CEP72: variants seen among roughly 807,000 people sequenced by gnomAD.
The protein encoded by CEP72 is centrosomal protein 72, also known as centrosomal protein of 72 kDa.
In CEP72, 78 loss-of-function variants were observed where a neutral mutation model predicts 65.7. That is an observed-to-expected ratio of 1.19 (90% CI 0.99 to 1.43). The LOEUF is 1.43. CEP72 is among the 40% of genes most tolerant of loss of function. The pLI is 0.00. For synonymous variants in CEP72, 358 were observed against 351.7 expected (o/e 1.02, Z -0.20); for missense variants, 914 against 832.9 (o/e 1.10, Z -1.20).
rs1344458044 is a variant in CEP72, at chr5:624,949, C to G, written c.512+370C>G. 1.3e-5 allele frequency among the ~76,000 whole-genome samples: 2 copies of G among 152,236 alleles called. No homozygotes were observed. Among genetic ancestry groups the G allele is most frequent in the East Asian group, 3.8e-4 (2 of 5,202 alleles). On this transcript the variant is annotated intron_variant, in intron 4 of 11. Transcript: ENST00000264935. The surrounding 1 kb of genome is among the most constrained non-coding windows in gnomAD (Gnocchi z 4.7). ...CTGCCCATCCAGCCAAATCCCACTT[C>G]TGGCCGTGAGCACATTCAGCAGGAC...
Position 624,129 on chromosome 5 carries a change from C to T in CEP72, c.404-342C>T, listed in dbSNP as rs1420094983. 6.6e-6 allele frequency among the ~76,000 whole-genome samples: 1 copy of T among 152,214 alleles called. No homozygotes were observed. The highest frequency in any genetic ancestry group is 1.5e-5 in the Non-Finnish European group (1 of 68,044). Reference sequence around the variant, plus strand: ...GCCTCTCGGGCCGGGCAGGCTCCCTCCGTGGAGGCTTCTCTGGGTTACCTG... The same window carrying T: ...GCCTCTCGGGCCGGGCAGGCTCCCTTCGTGGAGGCTTCTCTGGGTTACCTG... On this transcript the variant is annotated intron_variant, in intron 3 of 11. Transcript: ENST00000264935. The surrounding 1 kb of genome is among the most constrained non-coding windows in gnomAD (Gnocchi z 4.7).
chr5:613,992 C>T (rs147907014), intron 1 of CEP72, among the ~76,000 whole-genome samples: 57 of 152,322 alleles, frequency 3.7e-4, no homozygotes, highest in African/African-American at 1.3e-3. Flanking sequence ...CAGCTGACCT[C>T]GGGACATGCC....
Position 645,779 on chromosome 5 carries a change from T to C in CEP72, c.1666+1354T>C, listed in dbSNP as rs1044585429. On this transcript the variant is annotated intron_variant, in intron 10 of 11. Coordinates refer to ENST00000264935, the MANE Select transcript of CEP72 (RefSeq NM_018140.4). The surrounding 1 kb of genome is among the most constrained non-coding windows in gnomAD (Gnocchi z 4.0). Reference sequence around the variant, plus strand: ...TGTCTTTGTTACTCGGTCTTAAATGTATGCATAGCTCCCATTTATTTTAGT... The same window carrying C: ...TGTCTTTGTTACTCGGTCTTAAATGCATGCATAGCTCCCATTTATTTTAGT... Among the ~76,000 whole-genome samples, 6 of 152,288 alleles carry C rather than the reference T, an allele frequency of 3.9e-5. No individual in the cohort carries two copies. The highest frequency in any genetic ancestry group is 8.8e-5 in the Non-Finnish European group (6 of 68,050).
At position 653,090 on chromosome 5, in the gene CEP72, C is replaced by A; in HGVS notation, c.1881C>A (p.Leu627=). 1 of 1,613,674 alleles carries A rather than the reference C, an allele frequency of 6.2e-7. No individual in the cohort carries two copies. Among genetic ancestry groups the A allele is most frequent in the Non-Finnish European group, 8.5e-7 (1 of 1,180,010 alleles). Residue 627 remains leucine, a synonymous_variant, in exon 12 of 12, where the codon CTC becomes CTA. Coordinates refer to ENST00000264935, the MANE Select transcript of CEP72 (RefSeq NM_018140.4). ...VEQMHWSYQE[L]KKTMALFPHS... ...AGATGCACTGGAGCTACCAGGAGCT[C>A]AAGAAGACCATGGCCCTGTTTCCAC... is the stretch of plus-strand genomic sequence containing the variant.
In CEP72 at chr5:612,447, C is replaced by T. The variant is rs764846084; in HGVS notation, c.82+4C>T. On this transcript the variant is annotated splice_donor_region_variant and intron_variant, in intron 1 of 11. Transcript: ENST00000264935. ...TTAGGGCCTCACCGCGACCTGGGTG[C>T]GCCGGAGGGCGGGCGGGGGTGCAAG... is the stretch of plus-strand genomic sequence containing the variant. 5.6e-6 allele frequency: 8 copies of T among 1,435,130 alleles called. No homozygotes were observed. In the South Asian group the frequency reaches 6.8e-5, roughly 12 times the overall value. The allele number at this position is 1,435,130 out of a possible 1,614,324, so 88.9% of individuals were successfully genotyped here.
At chr5:640,762 G>T (rs934766867) in intron 9 of CEP72, 158 bp downstream of exon 9, 1 of 985,474 alleles carries the variant, frequency 1.0e-6, no homozygotes, top group African/African-American at 1.7e-5. Context: ...GCCACCCCCG[G>T]AACGCGGCCT....
chr5:670,632 C>T (rs994399105), downstream of CEP72, among the ~76,000 whole-genome samples: 3 of 152,102 alleles, frequency 2.0e-5, no homozygotes, highest in Non-Finnish European at 4.4e-5. Flanking sequence ...TGTCTGGCAT[C>T]GCCATCCTGC....
the CEP72 span, among the ~76,000 whole-genome samples, chr5:674,074 C>T: frequency 1.3e-4 from 20 of 152,380 alleles, no homozygotes; most frequent in African/African-American, 2.2e-4. Flanking sequence ...CACATGGGGC[C>T]GGCCCTGCAG....
chr5:637,674 G>A lies in CEP72; in HGVS notation c.1062G>A (p.Pro354=), dbSNP rs751266368. ...CGGACCAGGAGGGTTTGGGCTGCCCGGAGAGAACTCATGGGTCCTCCGTGC... is the reference window on the plus strand; with the variant it reads ...CGGACCAGGAGGGTTTGGGCTGCCCAGAGAGAACTCATGGGTCCTCCGTGC... ...TFSDQEGLGC[P]ERTHGSSVPK... is the part of the protein sequence containing the mutation. Residue 354 remains proline, a synonymous_variant, in exon 7 of 12, where the codon CCG becomes CCA. Transcript: ENST00000264935. 7.4e-6 allele frequency: 12 copies of A among 1,613,802 alleles called. No homozygotes were observed. Among genetic ancestry groups the A allele is most frequent in the East Asian group, 4.5e-5 (2 of 44,886 alleles).
chr5:624,277 A>G lies in CEP72; in HGVS notation c.404-194A>G, dbSNP rs1736590845. 6.6e-6 allele frequency among the ~76,000 whole-genome samples: 1 copy of G among 152,208 alleles called. No homozygotes were observed. The highest frequency in any genetic ancestry group is 2.4e-5 in the African/African-American group (1 of 41,470). ...TGCGCAGCAGTGAGCTCTGAGGGAC[A>G]GGCGGCCTCAGCACCACGCTGGGCA... On this transcript the variant is annotated intron_variant, in intron 3 of 11. Transcript: ENST00000264935. The surrounding 1 kb of genome is among the most constrained non-coding windows in gnomAD (Gnocchi z 4.7).
At chr5:622,613 G>T (rs1402177091) in intron 3 of CEP72, among the ~76,000 whole-genome samples, 2 of 152,260 alleles carry the variant, frequency 1.3e-5, no homozygotes, top group Non-Finnish European at 2.9e-5. Flanking sequence ...TGTGGATAGA[G>T]CTCTGTGCTG....
At chr5:649,922 TGTGGACTGTGAGGCGTGACTGTGAGGC>T (rs1738846551) in intron 11 of CEP72, among the ~76,000 whole-genome samples, 5 of 9,080 alleles carry the variant, frequency 5.5e-4, no homozygotes, top group Non-Finnish European at 4.9e-4. Flanking sequence ...GACTGTGAGG[TGTGGACTGTGAGGCGTGACTGTGAGGC>T]GTGACTGTGA....
intron 4 of CEP72, chr5:666,117 C>T (rs769969503): frequency 3.1e-6 from 5 of 1,608,928 alleles, no homozygotes; most frequent in Non-Finnish European, 4.2e-6. Flanking sequence ...TCCGGCAAGA[C>T]TTCCCTCTAC....
In CEP72 at chr5:646,341, C is replaced by T. The variant is rs371436027; in HGVS notation, c.1667-1464C>T. 2.0e-5 allele frequency among the ~76,000 whole-genome samples: 3 copies of T among 152,240 alleles called. No homozygotes were observed. In the East Asian group the frequency reaches 5.8e-4, roughly 29 times the overall value. On this transcript the variant is annotated intron_variant, in intron 10 of 11. Transcript: ENST00000264935. Reference sequence around the variant, plus strand: ...TTCTTCTGTCATTTCCTTTTTGTCTCGTAGGGATGTTCTTGCGCCCTAACC... The same window carrying T: ...TTCTTCTGTCATTTCCTTTTTGTCTTGTAGGGATGTTCTTGCGCCCTAACC...
intron 11 of CEP72, among the ~76,000 whole-genome samples, chr5:649,370 T>TG (rs768900464): frequency 3.2e-5 from 2 of 62,292 alleles, no homozygotes; most frequent in African/African-American, 6.4e-5. Flanking sequence ...CTGTGAGGTG[T>TG]GACTGTGAGG....
At position 620,397 on chromosome 5, in the gene CEP72, G is replaced by T. The variant is rs145492410; in HGVS notation, c.403+136G>T. ...AACGGGGAGTTGGTTTTCTACGCTG[G>T]TGGCTTGAGTTCCTGCAGACACACA... On this transcript the variant is annotated intron_variant, in intron 3 of 11. Transcript: ENST00000264935. The T allele has an allele frequency of 9.3e-5, 68 of 732,812 alleles. No individual in the cohort carries two copies. In the East Asian group the frequency reaches 1.8e-3, roughly 19 times the overall value. The allele number at this position is 732,812 out of a possible 1,614,324, so 45.4% of individuals were successfully genotyped here.
At chr5:632,827 G>C (rs1392956928) in intron 4 of CEP72, among the ~76,000 whole-genome samples, 13 of 63,350 alleles carry the variant, frequency 2.1e-4, no homozygotes, top group African/African-American at 1.0e-3. Context: ...AGTCCTGGTG[G>C]GGTTCTGTCC....
intron 1 of CEP72, among the ~76,000 whole-genome samples, chr5:612,883 G>C (rs1451603749): frequency 6.6e-6 from 1 of 152,182 alleles, no homozygotes; most frequent in East Asian, 1.9e-4. Context: ...GTCTGGTTTT[G>C]GCGTCAAGGT....
At position 619,025 on chromosome 5, in the gene CEP72, C is replaced by G; in HGVS notation, c.118C>G (p.Gln40Glu). 6.2e-7 allele frequency: 1 copy of G among 1,611,748 alleles called. No individual in the cohort carries two copies. The highest frequency in any genetic ancestry group is 1.7e-4 in the Middle Eastern group (1 of 6,050). ...GTCATTGTCTATTCCTGGAACTTAC[C>G]AAGAGAAGATCACCCACCTGGGACA... ...LQSLSIPGTY[Q>E]EKITHLGHSL... The change falls in exon 2 of 12, where the codon CAA becomes GAA. Residue 40 changes from glutamine to glutamate, a missense_variant. Transcript: ENST00000264935.
Sources: allele counts gnomAD v4.1 joint callset (sites outside exome capture counted in the v4.1 genomes callset), GRCh38; gene constraint gnomAD v4.1.1; non-coding constraint Gnocchi (gnomAD v3.1); transcripts MANE v1.5; gene names NCBI Gene and HGNC (gene_info 2026-07-23, HGNC 2026-07-21).